The following PPARGC1A variants were observed in gnomAD, a reference collection of about 807,000 sequenced individuals.
PPARGC1A encodes the protein PPARG coactivator 1 alpha.
In PPARGC1A, 25 loss-of-function variants were observed where a neutral mutation model predicts 88.7. The observed-to-expected ratio is 0.28, with a 90% CI of 0.21 to 0.39. PPARGC1A has a LOEUF of 0.39. Ranked by LOEUF, PPARGC1A falls within the 10% of genes least tolerant of loss-of-function variation. PPARGC1A has a pLI of 1.00. For synonymous variants in PPARGC1A, 363 were observed against 355.6 expected, an observed-to-expected ratio of 1.02 and a Z score of -0.24; for missense variants, 880 against 968.7, an observed-to-expected ratio of 0.91 and a Z score of 1.22.
chr4:24,237,634 T>C, the PPARGC1A span, among the ~76,000 whole-genome samples: 124,568 of 152,134 alleles, frequency 0.82, 52,245 homozygotes, highest in East Asian at 1. Context: ...GATGCTCTTA[T>C]AATTCCTCTT....
the PPARGC1A span, among the ~76,000 whole-genome samples, chr4:24,292,650 C>G: frequency 2.0e-5 from 2 of 102,092 alleles, no homozygotes; most frequent in Non-Finnish European, 4.1e-5. Context: ...TCACCCCCAC[C>G]CCTTCCTGTG....
chr4:23,834,173 G>A (rs923831409), intron 2 of PPARGC1A, among the ~76,000 whole-genome samples: 3 of 152,054 alleles, frequency 2.0e-5, no homozygotes, highest in East Asian at 1.9e-4. Context: ...GGTGGCGGAC[G>A]CCTGTAGTCC....
the PPARGC1A span, among the ~76,000 whole-genome samples, chr4:23,982,567 A>T: frequency 2.0e-5 from 3 of 152,198 alleles, no homozygotes; most frequent in Non-Finnish European, 4.4e-5. Flanking sequence ...CTCAGCTAAA[A>T]TTCAGAGATG....
chr4:24,469,881 T>C, the PPARGC1A span, among the ~76,000 whole-genome samples: 1 of 152,154 alleles, frequency 6.6e-6, no homozygotes, highest in East Asian at 1.9e-4. Flanking sequence ...TCTGGTTTCC[T>C]AGGAGTTTGC....
chr4:24,370,809 A>C, the PPARGC1A span, among the ~76,000 whole-genome samples: 1 of 137,160 alleles, frequency 7.3e-6, no homozygotes, highest in Non-Finnish European at 1.5e-5. Flanking sequence ...CCATGTGCAG[A>C]ACATGCAGGT....
chr4:23,956,004 TC>T, the PPARGC1A span, among the ~76,000 whole-genome samples: 1 of 152,140 alleles, frequency 6.6e-6, no homozygotes, highest in Non-Finnish European at 1.5e-5. Context: ...AGGCAGTGTG[TC>T]AGTGAACAGG....
chr4:23,803,152 A>G (rs1035413248), intron 10 of PPARGC1A, among the ~76,000 whole-genome samples: 1 of 152,196 alleles, frequency 6.6e-6, no homozygotes, highest in Non-Finnish European at 1.5e-5. Context: ...TCTACTATAC[A>G]TAAAAATTAC....
At chr4:24,255,831 G>A in the PPARGC1A span, among the ~76,000 whole-genome samples, 1 of 152,192 alleles carries the variant, frequency 6.6e-6, no homozygotes, top group Non-Finnish European at 1.5e-5. Flanking sequence ...TCGCTCCACT[G>A]CCCTGTGCTT....
chr4:23,838,657 T>G lies in PPARGC1A; in HGVS notation c.235-6906A>C, dbSNP rs115617829. On this transcript the variant is annotated intron_variant, in intron 2 of 12. Coordinates refer to ENST00000264867, the MANE Select transcript of PPARGC1A (RefSeq NM_013261.5). ...GATAAGCACATTATATGACAATCTA[T>G]TTTGCCCTGTTGGATGCCAAATTTG... Among the ~76,000 whole-genome samples, 1,178 of 152,296 alleles carry G rather than the reference T, an allele frequency of 7.7e-3. 24 individuals are homozygous for G. The highest frequency in any genetic ancestry group is 0.062 in the South Asian group (301 of 4,828).
the PPARGC1A span, among the ~76,000 whole-genome samples, chr4:24,223,507 C>T: frequency 2.0e-5 from 3 of 152,306 alleles, no homozygotes; most frequent in African/African-American, 7.2e-5. Flanking sequence ...TCCTCAGCCT[C>T]CCAAGGTGCT....
chr4:24,220,741 C>A, the PPARGC1A span, among the ~76,000 whole-genome samples: 7 of 152,152 alleles, frequency 4.6e-5, no homozygotes, highest in South Asian at 2.1e-4. Flanking sequence ...GGGAGGGAGA[C>A]AAAGGTTGAA....
At chr4:24,197,602 A>G in the PPARGC1A span, among the ~76,000 whole-genome samples, 6 of 152,346 alleles carry the variant, frequency 3.9e-5, no homozygotes, top group Admixed American at 1.3e-4. Context: ...GAAATCATTT[A>G]TCTGAATCAT....
At chr4:24,452,260 C>A in the PPARGC1A span, among the ~76,000 whole-genome samples, 1 of 140,470 alleles carries the variant, frequency 7.1e-6, no homozygotes. Flanking sequence ...CCCCCCCACA[C>A]ACAAACACAC....
At chr4:24,033,238 T>G in the PPARGC1A span, among the ~76,000 whole-genome samples, 3 of 152,286 alleles carry the variant, frequency 2.0e-5, no homozygotes, top group African/African-American at 7.2e-5. Context: ...ATAATGGAGG[T>G]AATTAGAATA....
the PPARGC1A span, among the ~76,000 whole-genome samples, chr4:23,992,038 C>A: frequency 6.6e-6 from 1 of 150,856 alleles, no homozygotes; most frequent in Non-Finnish European, 1.5e-5. Flanking sequence ...CTTTGGGGTT[C>A]TTTTTTTTTA....
At chr4:24,075,555 C>A in the PPARGC1A span, among the ~76,000 whole-genome samples, 32 of 152,304 alleles carry the variant, frequency 2.1e-4, no homozygotes, top group African/African-American at 7.7e-4. Flanking sequence ...CAAATATCAT[C>A]TTGAATTGCA....
the PPARGC1A span, among the ~76,000 whole-genome samples, chr4:24,345,907 G>A: frequency 6.6e-6 from 1 of 152,160 alleles, no homozygotes; most frequent in East Asian, 1.9e-4. Flanking sequence ...TATTACGGTG[G>A]CTGTGGATCT....
the PPARGC1A span, among the ~76,000 whole-genome samples, chr4:23,962,942 T>C: frequency 1.3e-5 from 2 of 152,178 alleles, no homozygotes; most frequent in African/African-American, 4.8e-5. Flanking sequence ...GCCACCTTTT[T>C]TCTCAGCACA....
the PPARGC1A span, among the ~76,000 whole-genome samples, chr4:24,153,503 A>T: frequency 6.6e-6 from 1 of 152,198 alleles, no homozygotes; most frequent in Non-Finnish European, 1.5e-5. Context: ...ATCAGCAGAC[A>T]TGTGTACACT....
Sources: gnomAD v4.1 joint callset for allele counts (sites outside exome capture counted in the v4.1 genomes callset) on GRCh38, gnomAD v4.1.1 for gene constraint, MANE v1.5 for transcripts, NCBI Gene and HGNC (gene_info 2026-07-23, HGNC 2026-07-21) for gene names.